Variants in GSN observed in about 807,000 individuals in gnomAD.
GSN encodes actin-depolymerizing factor.
Under a neutral mutation model 85.7 loss-of-function variants are expected in GSN, and 56 were observed. The ratio of observed to expected loss-of-function variants is 0.65; its 90% CI spans 0.53 to 0.82. GSN has a LOEUF of 0.82. GSN is among the 40% of genes least tolerant of loss of function. GSN has a pLI of 0.00. For missense variants in GSN, 857 were observed against 979.8 expected, an observed-to-expected ratio of 0.87 and a Z score of 1.67; for synonymous variants, 373 against 399.1, an observed-to-expected ratio of 0.93 and a Z score of 0.78.
intron 6 of GSN, among the ~76,000 whole-genome samples, chr9:121,249,489 A>G (rs761324412): frequency 1.3e-5 from 2 of 152,092 alleles, no homozygotes; most frequent in Non-Finnish European, 1.5e-5. Flanking sequence ...TAAATAAATA[A>G]ATAAGATGCA....
intron 6 of GSN, among the ~76,000 whole-genome samples, chr9:121,262,459 TG>T (rs1452175655): frequency 6.6e-6 from 1 of 152,248 alleles, no homozygotes; most frequent in Non-Finnish European, 1.5e-5. Context: ...ACTCAGAATG[TG>T]GCAGTTATAA....
chr9:121,303,078 C>T lies in GSN; in HGVS notation c.351+13C>T, dbSNP rs755334053. On this transcript the variant is annotated intron_variant, in intron 4 of 17. Coordinates refer to ENST00000432226, the MANE Select transcript of GSN (RefSeq NM_198252.3). ...CCTGAAGTACAAGGTGGGTTGGGCCCCACCTTGCTTGAGCGGTAGGGACAG... is the reference window on the plus strand; with the variant it reads ...CCTGAAGTACAAGGTGGGTTGGGCCTCACCTTGCTTGAGCGGTAGGGACAG... 1 of 1,612,560 alleles carries T rather than the reference C, an allele frequency of 6.2e-7. No homozygotes were observed. Among genetic ancestry groups the T allele is most frequent in the Admixed American group, 1.7e-5 (1 of 60,020 alleles).
At chr9:121,323,322 C>A (rs1374149313) in intron 11 of GSN, among the ~76,000 whole-genome samples, 1 of 150,592 alleles carries the variant, frequency 6.6e-6, no homozygotes, top group African/African-American at 2.4e-5. Flanking sequence ...CACAATACTA[C>A]TTACTAATCT....
intron 2 of GSN, among the ~76,000 whole-genome samples, chr9:121,300,922 A>G (rs976226530): frequency 5.9e-5 from 9 of 151,964 alleles, no homozygotes; most frequent in African/African-American, 1.9e-4. Flanking sequence ...GCTCACCTCG[A>G]TTTGCGAGTG....
intron 2 of GSN, 152 bp from the exon 3 acceptor site, chr9:121,301,811 G>A (rs1399446646): frequency 1.7e-6 from 2 of 1,192,346 alleles, no homozygotes; most frequent in Admixed American, 3.9e-5. Flanking sequence ...TTGAGACAGG[G>A]TGCCCAGAAG....
chr9:121,245,016 A>C (rs2054672150), intron 5 of GSN, among the ~76,000 whole-genome samples: 1 of 152,174 alleles, frequency 6.6e-6, no homozygotes, highest in Admixed American at 6.5e-5. Context: ...ATTTTATGTA[A>C]TTACATGCAA....
chr9:121,321,522 C>A, intron 11 of GSN, 121 bp downstream of exon 11: 2 of 880,780 alleles, frequency 2.3e-6, no homozygotes, highest in Non-Finnish European at 1.8e-6. Flanking sequence ...CTGGGAGAGG[C>A]TTTTGTCCAC....
At chr9:121,269,463 C>T (rs2055590558) in intron 1 of GSN, among the ~76,000 whole-genome samples, 1 of 152,132 alleles carries the variant, frequency 6.6e-6, no homozygotes, top group Non-Finnish European at 1.5e-5. Context: ...GGACTCTAGC[C>T]TCCTTCTTGG....
At chr9:121,232,536 A>G (rs764773816) in intron 5 of GSN, among the ~76,000 whole-genome samples, 2 of 152,082 alleles carry the variant, frequency 1.3e-5, no homozygotes, top group South Asian at 2.1e-4. Flanking sequence ...CAATTTTGCA[A>G]CCTTTTTAAA....
chr9:121,236,751 G>C (rs189091726), intron 5 of GSN, among the ~76,000 whole-genome samples: 57 of 152,282 alleles, frequency 3.7e-4, no homozygotes, highest in African/African-American at 1.2e-3. Context: ...GGAAGGAGCA[G>C]GAATAAAACT....
intron 4 of GSN, among the ~76,000 whole-genome samples, chr9:121,230,432 C>T (rs966508261): frequency 3.3e-5 from 5 of 152,162 alleles, no homozygotes; most frequent in African/African-American, 1.2e-4. Flanking sequence ...CAGAGCTTGC[C>T]TAATAAGATG....
At chr9:121,230,729 A>G (rs760130644) in intron 4 of GSN, among the ~76,000 whole-genome samples, 1 of 152,210 alleles carries the variant, frequency 6.6e-6, no homozygotes, top group African/African-American at 2.4e-5. Flanking sequence ...AATGTCTGGC[A>G]CATGCTGATG....
intron 6 of GSN, among the ~76,000 whole-genome samples, chr9:121,259,735 C>T (rs978078640): frequency 7.2e-5 from 11 of 152,256 alleles, no homozygotes; most frequent in South Asian, 2.1e-4. Flanking sequence ...CTGTTGGCAC[C>T]GGGGATTCCC....
intron 10 of GSN, among the ~76,000 whole-genome samples, chr9:121,320,651 AC>A (rs1451355427): frequency 1.2e-4 from 18 of 151,454 alleles, no homozygotes; most frequent in Non-Finnish European, 2.4e-4. Context: ...GTCTCAAAAA[AC>A]AAAAAAAAAA....
At chr9:121,294,528 C>T (rs751976800) in intron 2 of GSN, among the ~76,000 whole-genome samples, 1 of 152,202 alleles carries the variant, frequency 6.6e-6, no homozygotes, top group Non-Finnish European at 1.5e-5. Context: ...GGTCCCAGCA[C>T]TAGGTGGGGC....
chr9:121,289,282 G>T (rs1417539999), intron 2 of GSN, among the ~76,000 whole-genome samples: 1 of 152,042 alleles, frequency 6.6e-6, no homozygotes, highest in Non-Finnish European at 1.5e-5. Flanking sequence ...CATCAGCTCA[G>T]ACAAGGGTCA....
At chr9:121,205,229 A>C (rs991899385), upstream of GSN, among the ~76,000 whole-genome samples, 1 of 152,244 alleles carries the variant, frequency 6.6e-6, no homozygotes, top group South Asian at 2.1e-4. Context: ...ATCTGTGGAA[A>C]GAAAGATTGG....
At chr9:121,227,900 A>G (rs956996384) in intron 4 of GSN, among the ~76,000 whole-genome samples, 2 of 152,172 alleles carry the variant, frequency 1.3e-5, no homozygotes, top group African/African-American at 4.8e-5. Flanking sequence ...AGCACCCCAC[A>G]TGGATTCATC....
At chr9:121,321,192 A>G (rs1263463949) in intron 10 of GSN, 76 bp from the exon 11 acceptor site, 34 of 1,516,712 alleles carry the variant, frequency 2.2e-5, no homozygotes, top group Non-Finnish European at 3.0e-5. Context: ...AACCTACCAC[A>G]CTGCGGTTTC....
Sources: allele counts gnomAD v4.1 joint callset (sites outside exome capture counted in the v4.1 genomes callset), GRCh38; gene constraint gnomAD v4.1.1; transcripts MANE v1.5; gene names NCBI Gene and HGNC (gene_info 2026-07-23, HGNC 2026-07-21).